CACNA1H: variants seen among roughly 807,000 people sequenced by gnomAD.
CACNA1H encodes the protein calcium voltage-gated channel subunit alpha1 H.
Under a neutral mutation model 192.5 loss-of-function variants are expected in CACNA1H, and 149 were observed. The ratio of observed to expected loss-of-function variants is 0.77; its 90% CI spans 0.68 to 0.89. The LOEUF is 0.89. Among genes scored for constraint, CACNA1H ranks in the 40% least tolerant of loss-of-function variants. The pLI, the probability that CACNA1H is intolerant of heterozygous loss-of-function variation, is 0.00. For missense variants in CACNA1H, 4,257 were observed against 3,423.5 expected (o/e 1.24, Z -6.08); for synonymous variants, 2,202 against 1,475.2 (o/e 1.49, Z -11.29).
rs765469156 is a variant in CACNA1H, at chr16:1,200,787, C to T, written c.1191C>T (p.Ile397=). 2.9e-5 allele frequency: 45 copies of T among 1,552,466 alleles called. No individual in the cohort carries two copies. The Admixed American group carries it at 4.5e-4, about 16-fold the overall frequency. Residue 397 remains isoleucine, a synonymous_variant, in exon 8 of 35, where the codon ATC becomes ATT. Coordinates refer to ENST00000348261, the MANE Select transcript of CACNA1H (RefSeq NM_021098.3). ...ACGCCCACTCATTCTACAACTTCAT[C>T]TATTTCATCCTGCTCATCATCGTGA... The part of the protein sequence containing the change: ...VMDAHSFYNF[I]YFILLIIVGS...
Position 1,153,701 on chromosome 16 carries a change from C to A in CACNA1H, c.-18-19C>A, listed in dbSNP as rs1476887972. The stretch of plus-strand genomic sequence containing the variant: ...GGGGGCGTCGCCACCGGCCCCGGGT[C>A]ACCCCCTGTCCTCTGCAGGTGCTGC... On this transcript the variant is annotated intron_variant, in intron 1 of 34. Coordinates refer to ENST00000348261, the MANE Select transcript of CACNA1H (RefSeq NM_021098.3). 1 of 1,187,456 alleles carries A rather than the reference C, an allele frequency of 8.4e-7. No homozygotes were observed. Among genetic ancestry groups the A allele is most frequent in the South Asian group, 4.3e-5 (1 of 23,522 alleles). The allele number at this position is 1,187,456 out of a possible 1,614,324, so 73.6% of individuals were successfully genotyped here.
chr16:1,211,414 C>A (rs1479969562), intron 22 of CACNA1H, 67 bp from the exon 23 acceptor site: 1 of 1,608,718 alleles, frequency 6.2e-7, no homozygotes, highest in Non-Finnish European at 8.5e-7. Flanking sequence ...TCACTCGCGC[C>A]CCAGGAAGTC....
chr16:1,215,890 G>A (rs935347569), intron 30 of CACNA1H, among the ~76,000 whole-genome samples: 29 of 152,096 alleles, frequency 1.9e-4, no homozygotes, highest in African/African-American at 6.8e-4. Context: ...GAGGGCAGCA[G>A]GTGGCCAAGG....
rs1965377294 is a variant in CACNA1H at position 1,180,679 on chromosome 16, C to CG, written c.300-14289dup. 8.2e-6 allele frequency among the ~76,000 whole-genome samples: 1 copy of CG among 121,796 alleles called. No homozygotes were observed. The highest frequency in any genetic ancestry group is 2.9e-4 in the South Asian group (1 of 3,474). The allele number at this position is 121,796 out of a possible 152,430, so 79.9% of individuals were successfully genotyped here. A position where few individuals can be genotyped will look rare whatever the true frequency, so the allele number is the denominator to read the frequency against. On this transcript the variant is annotated intron_variant, in intron 2 of 34. Coordinates refer to ENST00000348261, the MANE Select transcript of CACNA1H (RefSeq NM_021098.3). This position sits in a 1 kb window ranked among gnomAD's most constrained non-coding sequence, Gnocchi z 4.4. ...CAGGTAGGGAGGGGCCTGGGCAGGG[C>CG]GGGGCAGGGAGGGATGAGGTGCAGA...
At position 1,205,188 on chromosome 16, in the gene CACNA1H, G is replaced by A. The variant is rs1003942106; in HGVS notation, c.2526G>A (p.Leu842=). 1 of 1,613,156 alleles carries A rather than the reference G, an allele frequency of 6.2e-7. No homozygotes were observed. The highest frequency in any genetic ancestry group is 8.5e-7 in the Non-Finnish European group (1 of 1,179,792). The change falls in exon 11 of 35, where the codon CTG becomes CTA. Residue 842 remains leucine (L), a synonymous_variant. Transcript: ENST00000348261. The part of the protein sequence containing the change: ...FTSMFALEML[L]KLLACGPLGY... ...GCATGTTTGCCCTGGAGATGCTGCT[G>A]AAGCTGCTGGCCTGCGGCCCTCTGG...
chr16:1,178,726 C>G (rs866033724), intron 2 of CACNA1H, among the ~76,000 whole-genome samples: 53 of 152,306 alleles, frequency 3.5e-4, no homozygotes, highest in African/African-American at 1.0e-3. Context: ...CTGGCTCACC[C>G]CCGGCCAGGA....
chr16:1,202,629 C>T (rs1191482305), intron 9 of CACNA1H, among the ~76,000 whole-genome samples, 177 bp downstream of exon 9: 1 of 152,150 alleles, frequency 6.6e-6, no homozygotes, highest in Admixed American at 6.5e-5. Flanking sequence ...GCAGGTCCCG[C>T]CCCTGACAGC....
At chr16:1,164,567 A>C (rs978721026) in intron 2 of CACNA1H, among the ~76,000 whole-genome samples, 1 of 152,250 alleles carries the variant, frequency 6.6e-6, no homozygotes, top group Admixed American at 6.5e-5. Flanking sequence ...AGTGGCCTGC[A>C]GCGTGGGCAC....
rs745543078 is a variant in CACNA1H, at chr16:1,200,751, C to T, written c.1155C>T (p.Tyr385=). 50 of 1,559,168 alleles carry T rather than the reference C, an allele frequency of 3.2e-5. No individual in the cohort carries two copies. In the South Asian group the frequency reaches 4.4e-4, roughly 14 times the overall value. The change falls in exon 8 of 35, where the codon TAC becomes TAT. Residue 385 remains tyrosine, a synonymous_variant. Transcript: ENST00000348261. ...TGGAAGGCTGGGTGGACATCATGTA[C>T]TACGTCATGGACGCCCACTCATTCT... The part of the protein sequence containing the change: ...ITLEGWVDIM[Y]YVMDAHSFYN...
In CACNA1H at chr16:1,200,436, G is replaced by C. The variant is rs755428254; in HGVS notation, c.984G>C (p.Glu328Asp). ...GWEAYTQPQAEGVGAARNACI... is the reference protein window; with the variant it reads ...GWEAYTQPQADGVGAARNACI... ...AGGCCTACACGCAGCCGCAGGCCGAGGGGGTGGGCGCTGCACGCAACGCCT... is the reference window on the plus strand; with the variant it reads ...AGGCCTACACGCAGCCGCAGGCCGACGGGGTGGGCGCTGCACGCAACGCCT... Residue 328 changes from glutamate (E) to aspartate (D), a missense_variant, in exon 7 of 35, where the codon GAG (glutamate) becomes GAC (aspartate). By Grantham distance (45) the Glu-to-Asp change is conservative. Coordinates refer to ENST00000348261, the MANE Select transcript of CACNA1H (RefSeq NM_021098.3). 2.5e-6 allele frequency: 4 copies of C among 1,610,770 alleles called. No individual in the cohort carries two copies. Among genetic ancestry groups the C allele is most frequent in the Non-Finnish European group, 3.4e-6 (4 of 1,179,500 alleles).
intron 2 of CACNA1H, among the ~76,000 whole-genome samples, chr16:1,160,702 C>T (rs867727655): frequency 1.2e-4 from 18 of 152,154 alleles, no homozygotes; most frequent in African/African-American, 4.1e-4. Flanking sequence ...TGAGAGCCCC[C>T]GGGTTTGATG....
chr16:1,175,579 C>G (rs1035468169), intron 2 of CACNA1H, among the ~76,000 whole-genome samples: 4 of 152,220 alleles, frequency 2.6e-5, no homozygotes, highest in African/African-American at 9.6e-5. Flanking sequence ...GCTTGTCCTT[C>G]ACTGTTGCCG....
chr16:1,219,562 G>A (rs547484818), intron 34 of CACNA1H, among the ~76,000 whole-genome samples: 1 of 152,308 alleles, frequency 6.6e-6, no homozygotes, highest in Admixed American at 6.5e-5. Context: ...TCCCAGCCTT[G>A]CCCACCTGCA....
chr16:1,164,728 G>T (rs998121045), intron 2 of CACNA1H, among the ~76,000 whole-genome samples: 1 of 152,172 alleles, frequency 6.6e-6, no homozygotes. Context: ...CTCAAGCCCC[G>T]CAGAGGGGCC....
At chr16:1,188,621 C>T (rs953893098) in intron 2 of CACNA1H, among the ~76,000 whole-genome samples, 5 of 152,216 alleles carry the variant, frequency 3.3e-5, no homozygotes, top group Non-Finnish European at 5.9e-5. Flanking sequence ...CCCACGCCCG[C>T]GCCCAGGGGC....
At chr16:1,206,455 G>A (rs1968723529) in intron 12 of CACNA1H, 166 bp downstream of exon 12, 4 of 650,920 alleles carry the variant, frequency 6.1e-6, no homozygotes, top group East Asian at 5.5e-5. Flanking sequence ...CACTGATTGG[G>A]CCCCTACTGT....
intron 2 of CACNA1H, among the ~76,000 whole-genome samples, chr16:1,155,169 C>T (rs1962157233): frequency 6.6e-6 from 1 of 152,248 alleles, no homozygotes; most frequent in Non-Finnish European, 1.5e-5. Flanking sequence ...TTTCTCAAAT[C>T]CAAACATCGA....
Position 1,218,039 on chromosome 16 carries a change from A to G in CACNA1H, c.5444A>G (p.Lys1815Arg). 1 of 1,593,880 alleles carries G rather than the reference A, an allele frequency of 6.3e-7. No individual in the cohort carries two copies. Among genetic ancestry groups the G allele is most frequent in the Non-Finnish European group, 8.6e-7 (1 of 1,168,958 alleles). Residue 1815 changes from lysine (K) to arginine (R), a missense_variant and splice_region_variant, in exon 32 of 35, where the codon AAG (lysine) becomes AGG (arginine). Lys to Arg is a conservative substitution (Grantham distance 26, BLOSUM62 2). Coordinates refer to ENST00000348261, the MANE Select transcript of CACNA1H (RefSeq NM_021098.3). ...GGGGACAACTGGAACGGGATCATGAAGGTACCCGCCGCGGCCATGCCTCTG... is the reference window on the plus strand; with the variant it reads ...GGGGACAACTGGAACGGGATCATGAGGGTACCCGCCGCGGCCATGCCTCTG... ...STGDNWNGIM[K>R]DTLRECSRED...
Position 1,153,336 on chromosome 16 carries a change from G to T in CACNA1H, c.-153G>T. The T allele has an allele frequency of 9.9e-6, 1 of 101,074 alleles. No individual in the cohort carries two copies. Among genetic ancestry groups the T allele is most frequent in the South Asian group, 2.3e-4 (1 of 4,322 alleles). The allele number at this position is 101,074 out of a possible 1,614,324, so 6.3% of individuals were successfully genotyped here. ...GCTGGGGACGCGGGCCGGGGGCGGA[G>T]GCGCTGGGGGCCGGGGCCGGGGCCG... On this transcript the variant is annotated 5_prime_UTR_variant, in exon 1 of 35. The change creates a new upstream start codon in the 5' untranslated region. Coordinates refer to ENST00000348261, the MANE Select transcript of CACNA1H (RefSeq NM_021098.3).
Sources: allele counts gnomAD v4.1 joint callset (sites outside exome capture counted in the v4.1 genomes callset), GRCh38; gene constraint gnomAD v4.1.1; non-coding constraint Gnocchi (gnomAD v3.1); transcripts MANE v1.5; gene names NCBI Gene and HGNC (gene_info 2026-07-23, HGNC 2026-07-21).